FBN1: variants seen among roughly 807,000 people sequenced by gnomAD.
The protein encoded by FBN1 is fibrillin 1, also known as fibrillin-1.
A neutral mutation model predicts 365.1 loss-of-function variants in FBN1; 29 were observed. The ratio of observed to expected loss-of-function variants is 0.08; its 90% CI spans 0.06 to 0.11. The LOEUF is 0.11. Among genes scored for constraint, FBN1 ranks in the 10% least tolerant of loss-of-function variants. The probability of loss-of-function intolerance (pLI) is 1.00; values close to 1 mark genes in which losing one functional copy is unlikely to be tolerated. For synonymous variants in FBN1, 1,210 were observed against 1,270.5 expected (o/e 0.95, Z 1.01); for missense variants, 2,476 against 3,703.2 (o/e 0.67, Z 8.60).
intron 2 of FBN1, among the ~76,000 whole-genome samples, chr15:48,624,811 T>C (rs1566940747): frequency 6.6e-6 from 1 of 152,044 alleles, no homozygotes; most frequent in Non-Finnish European, 1.5e-5. Flanking sequence ...ACAAAACAAG[T>C]GGTGAGGGGA....
At chr15:48,584,495 C>A (rs2140692586) in intron 6 of FBN1, among the ~76,000 whole-genome samples, 1 of 152,316 alleles carries the variant, frequency 6.6e-6, no homozygotes, top group Admixed American at 6.5e-5. Context: ...ATTTCACTAT[C>A]ATTTTGTCTC....
intron 54 of FBN1, among the ~76,000 whole-genome samples, chr15:48,433,222 A>T (rs987563067): frequency 3.3e-5 from 5 of 152,154 alleles, no homozygotes; most frequent in African/African-American, 1.2e-4. Context: ...GTCCCAGTTT[A>T]TGTTTGTTGT....
intron 32 of FBN1, among the ~76,000 whole-genome samples, chr15:48,479,758 C>A (rs536708571): frequency 1.3e-5 from 2 of 152,294 alleles, no homozygotes; most frequent in East Asian, 3.9e-4. Flanking sequence ...AGTATCTGTG[C>A]AAATTCAACT....
intron 2 of FBN1, among the ~76,000 whole-genome samples, chr15:48,623,448 A>G (rs1597639775): frequency 1.3e-5 from 2 of 152,238 alleles, no homozygotes; most frequent in South Asian, 2.1e-4. Context: ...TCAGAAATCA[A>G]TATTTTCCTT....
chr15:48,606,282 T>G (rs1200918312), intron 4 of FBN1, among the ~76,000 whole-genome samples: 1 of 152,196 alleles, frequency 6.6e-6, no homozygotes, highest in Admixed American at 6.5e-5. Flanking sequence ...TACACAAATG[T>G]TCATAGCAGC....
intron 4 of FBN1, among the ~76,000 whole-genome samples, chr15:48,609,733 T>C (rs1458807072): frequency 6.6e-6 from 1 of 152,176 alleles, no homozygotes; most frequent in Non-Finnish European, 1.5e-5. Context: ...CAGAAAAGTA[T>C]ACAAAGCTCT....
In FBN1 at chr15:48,487,206, G is replaced by C. The variant is rs375596551; in HGVS notation, c.3464-6C>G. 6.2e-7 allele frequency: 1 copy of C among 1,613,908 alleles called. No individual in the cohort carries two copies. The highest frequency in any genetic ancestry group is 1.7e-5 in the Admixed American group (1 of 59,996). On this transcript the variant is annotated splice_region_variant and splice_polypyrimidine_tract_variant and intron_variant, in intron 28 of 65. Transcript: ENST00000316623. ...CAGCTCACATTCATTGATGTCTGTC[G>C]GGAAAATAAGAAGAACAAACACCCA...
chr15:48,494,355 G>A, intron 22 of FBN1, 101 bp from the exon 23 acceptor site: 3 of 860,696 alleles, frequency 3.5e-6, no homozygotes, highest in East Asian at 4.9e-5. Flanking sequence ...AAGATGACCT[G>A]GAACATGAAG....
chr15:48,545,328 G>A (rs1342563409), intron 6 of FBN1, among the ~76,000 whole-genome samples: 1 of 152,156 alleles, frequency 6.6e-6, no homozygotes, highest in Non-Finnish European at 1.5e-5. Context: ...TTAAGTTCAT[G>A]AAGAATCCTA....
In FBN1 at chr15:48,442,016, C is replaced by G. The variant is rs535525301; in HGVS notation, c.6038-170G>C. On this transcript the variant is annotated intron_variant, in intron 49 of 65. Transcript: ENST00000316623. ...GGACTGGACTTCTAGGTTGTCATGA[C>G]TTCAAAAGAATTAGTTTTGACAGTT... Among the ~76,000 whole-genome samples the G allele has an allele frequency of 4.6e-5, 7 of 152,316 alleles. 1 individual carries two copies. In the South Asian group the frequency reaches 1.5e-3, roughly 32 times the overall value.
At chr15:48,441,083 T>A (rs1281530524) in intron 50 of FBN1, among the ~76,000 whole-genome samples, 1 of 152,202 alleles carries the variant, frequency 6.6e-6, no homozygotes, top group African/African-American at 2.4e-5. Context: ...CTAAACAGTT[T>A]TCTGGGACTT....
Position 48,426,928 on chromosome 15 carries a change from T to G in FBN1, c.7204+639A>C, listed in dbSNP as rs1292812865. On this transcript the variant is annotated intron_variant, in intron 58 of 65. Coordinates refer to ENST00000316623, the MANE Select transcript of FBN1 (RefSeq NM_000138.5). ...CCTTCTTAACCTCCTTCTTCCCCTT[T>G]CACTTCTAATTCCCTCCCAAGAAGC... Among the ~76,000 whole-genome samples the G allele has an allele frequency of 2.6e-5, 4 of 152,208 alleles. No homozygotes were observed. In the East Asian group the frequency reaches 5.8e-4, roughly 22 times the overall value.
intron 6 of FBN1, among the ~76,000 whole-genome samples, chr15:48,590,666 T>C (rs1347193009): frequency 6.6e-6 from 1 of 152,240 alleles, no homozygotes; most frequent in African/African-American, 2.4e-5. Context: ...CAAAAACCTT[T>C]TCAGCTTCAT....
chr15:48,431,948 C>A (rs1043628580), intron 55 of FBN1, among the ~76,000 whole-genome samples: 3 of 152,136 alleles, frequency 2.0e-5, no homozygotes, highest in Non-Finnish European at 4.4e-5. Context: ...AGCCACCGTG[C>A]CTGGCCAATA....
In FBN1 at chr15:48,470,688, G is replaced by A. The variant is rs587782946; in HGVS notation, c.4405C>T (p.Arg1469Cys). The change falls in exon 36 of 66, where the codon CGC becomes TGC. Residue 1469 changes from arginine (R) to cysteine (C), a missense_variant. Arg to Cys is a radical substitution (Grantham distance 180). Transcript: ENST00000316623. ...TCGTAGCCTATCTCACACTCACAGCGGAACAGGCCAGGGAGGTTGTGGCAA... is the reference window on the plus strand; with the variant it reads ...TCGTAGCCTATCTCACACTCACAGCAGAACAGGCCAGGGAGGTTGTGGCAA... ...GTCHNLPGLF[R>C]CECEIGYELD... 4.3e-6 allele frequency: 7 copies of A among 1,613,878 alleles called. No homozygotes were observed. The highest frequency in any genetic ancestry group is 2.2e-5 in the East Asian group (1 of 44,876).
At chr15:48,532,682 A>C (rs531422037) in intron 8 of FBN1, among the ~76,000 whole-genome samples, 1 of 152,158 alleles carries the variant, frequency 6.6e-6, no homozygotes, top group Admixed American at 6.5e-5. Context: ...CCAAGACACC[A>C]TTCCTTAATA....
intron 2 of FBN1, among the ~76,000 whole-genome samples, chr15:48,619,188 T>G (rs1352209953): frequency 6.6e-6 from 1 of 152,150 alleles, no homozygotes; most frequent in Non-Finnish European, 1.5e-5. Flanking sequence ...TTTTCTGGAT[T>G]GTCTGAGTTG....
Position 48,568,049 on chromosome 15 carries a change from G to GAAAGAAAGAAGAAAGAAAGAAAGA in FBN1, c.538+28233_538+28234insTCTTTCTTTCTTTCTTCTTTCTTT, listed in dbSNP as rs369157930. 2.2e-3 allele frequency among the ~76,000 whole-genome samples: 87 copies of GAAAGAAAGAAGAAAGAAAGAAAGA among 40,054 alleles called. 1 individual carries two copies. The highest frequency in any genetic ancestry group is 6.5e-3 in the African/African-American group (47 of 7,258). 26.3% of individuals were successfully genotyped at this position (40,054 alleles called of 152,430 possible). A position where few individuals can be genotyped will look rare whatever the true frequency, so the allele number is the denominator to read the frequency against. On this transcript the variant is annotated intron_variant, in intron 6 of 65. Transcript: ENST00000316623. ...AGAAAGAAAGAAAGAAAGAAAGAAA[G>GAAAGAAAGAAGAAAGAAAGAAAGA]AAGAAAGAAAGAAAGAAAGAAAGAA...
rs781519689 is a variant in FBN1, at chr15:48,446,659, C to T, written c.5788+47G>A. On this transcript the variant is annotated intron_variant, in intron 47 of 65. Transcript: ENST00000316623. ...GAGATGATGCTAATTACAAAGAACACATATAAAACTGACTTCCTTTGCTGA... is the reference window on the plus strand; with the variant it reads ...GAGATGATGCTAATTACAAAGAACATATATAAAACTGACTTCCTTTGCTGA... The T allele has an allele frequency of 2.8e-6, 3 of 1,068,356 alleles. No individual in the cohort carries two copies. The Admixed American group carries it at 5.1e-5, about 18-fold the overall frequency. 66.2% of individuals were successfully genotyped at this position (1,068,356 alleles called of 1,614,324 possible).
Sources: allele counts gnomAD v4.1 joint callset (sites outside exome capture counted in the v4.1 genomes callset), GRCh38; gene constraint gnomAD v4.1.1; transcripts MANE v1.5; gene names NCBI Gene and HGNC (gene_info 2026-07-23, HGNC 2026-07-21).